The following SNX32 variants were observed in gnomAD, a reference collection of about 807,000 sequenced individuals.
The protein encoded by SNX32 is sorting nexin 32, also known as sorting nexin-32.
SNX32 carries 58 observed loss-of-function variants against 57.0 expected under a neutral mutation model. The ratio of observed to expected loss-of-function variants is 1.02; its 90% CI spans 0.82 to 1.27. The LOEUF is 1.27. SNX32 is among the 50% of genes most tolerant of loss of function. The probability of loss-of-function intolerance (pLI) is 0.00; values close to 1 mark genes in which losing one functional copy is unlikely to be tolerated. For synonymous variants in SNX32, 262 were observed against 220.4 expected, an observed-to-expected ratio of 1.19 and a Z score of -1.67; for missense variants, 589 against 541.2, an observed-to-expected ratio of 1.09 and a Z score of -0.88.
At chr11:65,842,230 A>T (rs1858859855) in intron 1 of SNX32, among the ~76,000 whole-genome samples, 1 of 152,226 alleles carries the variant, frequency 6.6e-6, no homozygotes, top group African/African-American at 2.4e-5. Flanking sequence ...TTAATAGGTC[A>T]ATGGATATGT....
chr11:65,849,686 C>G, intron 2 of SNX32, 104 bp downstream of exon 2: 1 of 1,065,490 alleles, frequency 9.4e-7, no homozygotes, highest in South Asian at 1.3e-5. Context: ...GGCACTCTTC[C>G]TCCACCTGGC....
chr11:65,853,176 T>G, intron 12 of SNX32, 106 bp from the exon 13 acceptor site: 1 of 1,505,204 alleles, frequency 6.6e-7, no homozygotes, highest in South Asian at 1.1e-5. Flanking sequence ...CAGCTGTTAT[T>G]GCAGAGAGCA....
In SNX32 at chr11:65,834,018, C is replaced by T. The variant is rs1371708791; in HGVS notation, c.-48C>T. 6.5e-7 allele frequency: 1 copy of T among 1,546,808 alleles called. No homozygotes were observed. Among genetic ancestry groups the T allele is most frequent in the Non-Finnish European group, 8.7e-7 (1 of 1,144,302 alleles). ...TCCTCGGGCGAGTTACGGGGACGAC[C>T]TGCGGGAGCACGCGGGCAGTGGCCG... On this transcript the variant is annotated 5_prime_UTR_variant, in exon 1 of 13. Coordinates refer to ENST00000308342, the MANE Select transcript of SNX32 (RefSeq NM_152760.3).
intron 12 of SNX32, 115 bp from the exon 13 acceptor site, chr11:65,853,167 A>G: frequency 6.9e-7 from 1 of 1,457,622 alleles, no homozygotes; most frequent in Non-Finnish European, 9.6e-7. Context: ...AATTAACAGC[A>G]GCTGTTATTG....
rs778241458 is a variant in SNX32 at position 65,852,655 on chromosome 11, C to T, written c.938C>T (p.Ala313Val). ...GACCTGCTGTACCGGCGGCTGCGGGCACTGGCCGACTACGAGAATGCCAAC... is the reference window on the plus strand; with the variant it reads ...GACCTGCTGTACCGGCGGCTGCGGGTACTGGCCGACTACGAGAATGCCAAC... ...AKDLLYRRLR[A>V]LADYENANKA... The change falls in exon 11 of 13, where the codon GCA becomes GTA. Residue 313 changes from alanine (A) to valine (V), a missense_variant. By Grantham distance (64) the Ala-to-Val change is moderately conservative. Transcript: ENST00000308342. 1.3e-5 allele frequency: 21 copies of T among 1,602,972 alleles called. No individual in the cohort carries two copies. The highest frequency in any genetic ancestry group is 2.2e-5 in the East Asian group (1 of 44,494).
chr11:65,845,490 A>AT (rs1858968145), intron 1 of SNX32, among the ~76,000 whole-genome samples: 1 of 151,806 alleles, frequency 6.6e-6, no homozygotes, highest in South Asian at 2.1e-4. Context: ...TAATCCCAAC[A>AT]TTTTGGAAGG....
chr11:65,840,234 AAATC>A (rs1858804794), intron 1 of SNX32, among the ~76,000 whole-genome samples: 1 of 152,284 alleles, frequency 6.6e-6, no homozygotes, highest in East Asian at 1.9e-4. Flanking sequence ...AGATTGATAA[AAATC>A]AACACTCTCA....
At chr11:65,850,582 C>A in intron 5 of SNX32, 28 bp downstream of exon 5, 1 of 1,584,732 alleles carries the variant, frequency 6.3e-7, no homozygotes, top group Non-Finnish European at 8.6e-7. Context: ...CCTGGGGTCA[C>A]CCTTGGGCCA....
At position 65,834,038 on chromosome 11, in the gene SNX32, T is replaced by C. The variant is rs1212204916; in HGVS notation, c.-28T>C. On this transcript the variant is annotated 5_prime_UTR_variant, in exon 1 of 13. Transcript: ENST00000308342. ...ACGACCTGCGGGAGCACGCGGGCAG[T>C]GGCCGGACGCTGAAGCCCAGGAGAG... is the stretch of plus-strand genomic sequence containing the variant. 1.9e-6 allele frequency: 3 copies of C among 1,548,750 alleles called. No homozygotes were observed. Among genetic ancestry groups the C allele is most frequent in the Middle Eastern group, 1.7e-4 (1 of 5,962 alleles).
At chr11:65,841,359 C>T (rs1447247983) in intron 1 of SNX32, among the ~76,000 whole-genome samples, 4 of 151,796 alleles carry the variant, frequency 2.6e-5, no homozygotes, top group African/African-American at 9.7e-5. Context: ...GCCTCAGACT[C>T]CCAAGTAGCT....
chr11:65,852,207 T>A (rs1365114732), intron 9 of SNX32, among the ~76,000 whole-genome samples: 1 of 151,918 alleles, frequency 6.6e-6, no homozygotes, highest in African/African-American at 2.4e-5. Context: ...AACTAAAGTT[T>A]CCCTGAACAC....
chr11:65,834,435 CTG>C (rs540521146), intron 1 of SNX32, among the ~76,000 whole-genome samples: 20 of 142,076 alleles, frequency 1.4e-4, no homozygotes, highest in Non-Finnish European at 2.3e-4. Context: ...CTCCGTGTCT[CTG>C]TGTGTGTGTG....
At chr11:65,851,779 T>A in intron 9 of SNX32, 100 bp downstream of exon 9, 1 of 1,389,850 alleles carries the variant, frequency 7.2e-7, no homozygotes, top group South Asian at 1.2e-5. Flanking sequence ...TTGGGTTCAG[T>A]GATAACTTGG....
chr11:65,850,861 C>T lies in SNX32; in HGVS notation c.603+6C>T. On this transcript the variant is annotated splice_donor_region_variant and intron_variant, in intron 6 of 12. Transcript: ENST00000308342. The stretch of plus-strand genomic sequence containing the variant: ...CGGGCATGTCAGGGCTCAAGGTAAC[C>T]CCTGGTGCTCCTCTCCGGATTCAAC... The T allele has an allele frequency of 1.2e-6, 2 of 1,610,042 alleles. No individual in the cohort carries two copies. The highest frequency in any genetic ancestry group is 1.7e-6 in the Non-Finnish European group (2 of 1,176,944).
chr11:65,850,057 G>A (rs1859122889), intron 3 of SNX32, 27 bp downstream of exon 3: 1 of 1,614,048 alleles, frequency 6.2e-7, no homozygotes, highest in African/African-American at 1.3e-5. Context: ...CAGGGGCTGG[G>A]AGGGACAGGC....
intron 1 of SNX32, among the ~76,000 whole-genome samples, chr11:65,839,230 T>TAGTAGAGACGATGTTTCACCATG (rs1555032647): frequency 2.4e-4 from 4 of 16,566 alleles, no homozygotes; most frequent in East Asian, 4.7e-3. Flanking sequence ...TTTGTATTTT[T>TAGTAGAGACGATGTTTCACCATG]TTTTTTTTTT....
chr11:65,839,644 T>C (rs1272834521), intron 1 of SNX32, among the ~76,000 whole-genome samples: 1 of 148,496 alleles, frequency 6.7e-6, no homozygotes, highest in Non-Finnish European at 1.5e-5. Context: ...GCACACCGGC[T>C]GGAAAATAAG....
At position 65,849,974 on chromosome 11, in the gene SNX32, G is replaced by C. The variant is rs747669334; in HGVS notation, c.196G>C (p.Glu66Gln). 2 of 1,609,080 alleles carry C rather than the reference G, an allele frequency of 1.2e-6. No homozygotes were observed. Among genetic ancestry groups the C allele is most frequent in the African/African-American group, 1.3e-5 (1 of 74,856 alleles). Residue 66 changes from glutamate to glutamine, a missense_variant, in exon 3 of 13, where the codon GAG becomes CAG. Physicochemically the swap from Glu to Gln is conservative, Grantham distance 29. Coordinates refer to ENST00000308342, the MANE Select transcript of SNX32 (RefSeq NM_152760.3). The stretch of plus-strand genomic sequence containing the variant: ...GTTCTCAGTCGTGCGGCAGCACGAG[G>C]AGTTCATCTGGCTGCATGATGCCTA... ...TEFSVVRQHEEFIWLHDAYVE... is the reference protein window; with the variant it reads ...TEFSVVRQHEQFIWLHDAYVE...
intron 9 of SNX32, 48 bp downstream of exon 9, chr11:65,851,727 G>A (rs1444865724): frequency 6.3e-7 from 1 of 1,595,870 alleles, no homozygotes; most frequent in Non-Finnish European, 8.6e-7. Flanking sequence ...GAGCTTTGCA[G>A]GGAAGATGAG....
Sources: allele counts gnomAD v4.1 joint callset (sites outside exome capture counted in the v4.1 genomes callset), GRCh38; gene constraint gnomAD v4.1.1; transcripts MANE v1.5; gene names NCBI Gene and HGNC (gene_info 2026-07-23, HGNC 2026-07-21).